TAF3: variants seen among roughly 807,000 people sequenced by gnomAD.
The protein encoded by TAF3 is transcription initiation factor TFIID subunit 3.
A neutral mutation model predicts 80.6 loss-of-function variants in TAF3; 7 were observed. That is an observed-to-expected ratio of 0.09 (90% confidence interval 0.05 to 0.16). The LOEUF (loss-of-function observed/expected upper bound fraction) is 0.16, where lower values mean the gene tolerates loss of function less well. TAF3 is among the 10% of genes least tolerant of loss of function. The pLI, the probability that TAF3 is intolerant of heterozygous loss-of-function variation, is 1.00. For synonymous variants in TAF3, 444 were observed against 446.1 expected (o/e 1.00, Z 0.06); for missense variants, 921 against 1,140.2 (o/e 0.81, Z 2.77).
chr10:7,989,138 C>G (rs1199927586), intron 4 of TAF3, among the ~76,000 whole-genome samples: 2 of 152,170 alleles, frequency 1.3e-5, no homozygotes, highest in African/African-American at 2.4e-5. Flanking sequence ...CTGGAAGTCC[C>G]AGAGCAAGCT....
At chr10:7,883,842 G>T (rs1405337537) in intron 2 of TAF3, among the ~76,000 whole-genome samples, 2 of 152,140 alleles carry the variant, frequency 1.3e-5, no homozygotes, top group Admixed American at 1.3e-4. Context: ...ATCTCTTATG[G>T]TTATGGCAGT....
intron 2 of TAF3, among the ~76,000 whole-genome samples, chr10:7,909,915 G>A (rs1164718603): frequency 2.0e-5 from 3 of 152,072 alleles, no homozygotes; most frequent in Non-Finnish European, 2.9e-5. Context: ...CCAGCTCCAC[G>A]ACTGCTCAGG....
intron 2 of TAF3, among the ~76,000 whole-genome samples, chr10:7,865,300 G>A (rs1365499719): frequency 6.6e-6 from 1 of 152,068 alleles, no homozygotes; most frequent in Non-Finnish European, 1.5e-5. Context: ...ACCCTGTAGA[G>A]ACAGGGTTTC....
intron 4 of TAF3, among the ~76,000 whole-genome samples, chr10:7,985,780 CTT>C (rs71477297): frequency 1.3e-3 from 137 of 107,978 alleles, no homozygotes; most frequent in African/African-American, 3.4e-3. Context: ...TTCTCTCTCT[CTT>C]TTTTTTTTTT....
chr10:7,910,296 C>T (rs1313041102), intron 2 of TAF3, among the ~76,000 whole-genome samples: 5 of 152,162 alleles, frequency 3.3e-5, no homozygotes, highest in Non-Finnish European at 7.3e-5. Flanking sequence ...GTGTGACGTA[C>T]TGCAAATAGA....
chr10:8,005,307 C>T (rs1399524633), intron 4 of TAF3, among the ~76,000 whole-genome samples: 1 of 152,120 alleles, frequency 6.6e-6, no homozygotes, highest in Non-Finnish European at 1.5e-5. Context: ...TGATTATGTG[C>T]TGCTTATTTT....
chr10:7,977,336 GT>G lies in TAF3; in HGVS notation c.2315+17del. On this transcript the variant is annotated intron_variant, in intron 4 of 6. Coordinates refer to ENST00000344293, the MANE Select transcript of TAF3 (RefSeq NM_031923.4). ...GCCAAGACAAGATGTAAGTATAAAC[GT>G]TTTGAATCAGGGTGAAACAAATGAA... is the stretch of plus-strand genomic sequence containing the variant. The G allele has an allele frequency of 6.2e-7, 1 of 1,613,102 alleles. No individual in the cohort carries two copies. Among genetic ancestry groups the G allele is most frequent in the Non-Finnish European group, 8.5e-7 (1 of 1,179,284 alleles).
intron 4 of TAF3, among the ~76,000 whole-genome samples, chr10:7,984,657 A>G (rs1401078322): frequency 6.6e-6 from 1 of 152,222 alleles, no homozygotes; most frequent in African/African-American, 2.4e-5. Context: ...TTTAGATATG[A>G]TTTGAATGAT....
intron 2 of TAF3, among the ~76,000 whole-genome samples, chr10:7,905,549 C>G (rs1436402193): frequency 2.0e-5 from 3 of 152,052 alleles, no homozygotes; most frequent in East Asian, 3.8e-4. Context: ...ATTTGCAAGT[C>G]ATGGGCTAAA....
At chr10:7,968,042 A>T (rs1588570623) in intron 3 of TAF3, among the ~76,000 whole-genome samples, 1 of 152,222 alleles carries the variant, frequency 6.6e-6, no homozygotes, top group Admixed American at 6.5e-5. Flanking sequence ...GCACCACAGC[A>T]TATGAGTAAA....
intron 2 of TAF3, among the ~76,000 whole-genome samples, chr10:7,887,640 A>G (rs1274777785): frequency 2.6e-5 from 4 of 152,184 alleles, no homozygotes; most frequent in Non-Finnish European, 2.9e-5. Flanking sequence ...ACTAAAACAG[A>G]TAAGAGCCGC....
Position 7,894,954 on chromosome 10 carries a change from C to A in TAF3, c.410-68966C>A, listed in dbSNP as rs543532811. The stretch of plus-strand genomic sequence containing the variant: ...GCAGTGGCATGGTCTTGGCTCACCA[C>A]AACCTTTGCCTCCTGGGTTCAAACA... On this transcript the variant is annotated intron_variant, in intron 2 of 6. Transcript: ENST00000344293. 3.5e-4 allele frequency among the ~76,000 whole-genome samples: 54 copies of A among 152,292 alleles called. 1 individual carries two copies. Among genetic ancestry groups the A allele is most frequent in the South Asian group, 1.0e-3 (5 of 4,830 alleles).
In TAF3 at chr10:7,823,824, G is replaced by A. The variant is rs556466314; in HGVS notation, c.167-494G>A. Among the ~76,000 whole-genome samples the A allele has an allele frequency of 1.6e-3, 247 of 151,898 alleles. 1 individual carries two copies. Among genetic ancestry groups the A allele is most frequent in the Non-Finnish European group, 2.9e-3 (196 of 67,932 alleles). ...TAATTTTTGTATTTTTAGTAGAGAC[G>A]GGGTTTCACCGTGTTGACCAGGTTG... On this transcript the variant is annotated intron_variant, in intron 1 of 6. Coordinates refer to ENST00000344293, the MANE Select transcript of TAF3 (RefSeq NM_031923.4).
At chr10:7,994,977 G>GAAAAAAAAAAAAAAAAA (rs71287400) in intron 4 of TAF3, among the ~76,000 whole-genome samples, 1 of 97,644 alleles carries the variant, frequency 1.0e-5, no homozygotes, top group Non-Finnish European at 2.0e-5. Flanking sequence ...CTCAAAAAAA[G>GAAAAAAAAAAAAAAAAA]AAAAAAAAAA....
intron 5 of TAF3, among the ~76,000 whole-genome samples, chr10:8,011,646 G>A (rs1167064298): frequency 3.3e-5 from 5 of 152,128 alleles, no homozygotes; most frequent in Admixed American, 2.6e-4. Context: ...TGGTCCATTC[G>A]GGGACCAATC....
At chr10:7,889,934 G>A (rs1348475165) in intron 2 of TAF3, among the ~76,000 whole-genome samples, 1 of 152,154 alleles carries the variant, frequency 6.6e-6, no homozygotes, top group East Asian at 1.9e-4. Flanking sequence ...CCCTCTTCCA[G>A]TGTCGTTTTC....
chr10:7,888,590 G>A (rs904751504), intron 2 of TAF3, among the ~76,000 whole-genome samples: 1 of 152,210 alleles, frequency 6.6e-6, no homozygotes, highest in East Asian at 1.9e-4. Flanking sequence ...ACAGTGATGT[G>A]TAACAGTTTA....
rs769982394 is a variant in TAF3 at position 7,888,390 on chromosome 10, T to TA, written c.409+63839dup. Among the ~76,000 whole-genome samples the TA allele has an allele frequency of 4.0e-3, 608 of 151,796 alleles. 2 individuals carry two copies. Among genetic ancestry groups the TA allele is most frequent in the African/African-American group, 0.013 (557 of 41,422 alleles). On this transcript the variant is annotated intron_variant, in intron 2 of 6. Transcript: ENST00000344293. Reference sequence around the variant, plus strand: ...TTCTATTTATTTTTATCTAAATTTATAAAAAAAAAGTTTCTTGAATATTTT... The same window carrying TA: ...TTCTATTTATTTTTATCTAAATTTATAAAAAAAAAAGTTTCTTGAATATTTT...
chr10:7,910,309 A>T (rs1366196792), intron 2 of TAF3, among the ~76,000 whole-genome samples: 1 of 152,182 alleles, frequency 6.6e-6, no homozygotes, highest in African/African-American at 2.4e-5. Context: ...CAAATAGAAA[A>T]TACTGCTACA....
Sources: allele counts gnomAD v4.1 joint callset (sites outside exome capture counted in the v4.1 genomes callset), GRCh38; gene constraint gnomAD v4.1.1; transcripts MANE v1.5; gene names NCBI Gene and HGNC (gene_info 2026-07-23, HGNC 2026-07-21).